NOD2: variants seen among roughly 807,000 people sequenced by gnomAD.
NOD2 encodes nucleotide-binding oligomerization domain-containing protein 2.
A neutral mutation model predicts 90.9 loss-of-function variants in NOD2; 86 were observed. The observed-to-expected ratio is 0.95, with a 90% CI of 0.79 to 1.13. NOD2 has a LOEUF of 1.13. Among genes scored for constraint, NOD2 ranks in the 50% most tolerant of loss-of-function variants. The pLI, the probability that NOD2 is intolerant of heterozygous loss-of-function variation, is 0.00. For synonymous variants in NOD2, 581 were observed against 554.6 expected (o/e 1.05, Z -0.67); for missense variants, 1,238 against 1,283.8 (o/e 0.96, Z 0.55).
At chr16:50,726,558 G>C (rs981283754) in intron 10 of NOD2, among the ~76,000 whole-genome samples, 3 of 152,204 alleles carry the variant, frequency 2.0e-5, no homozygotes, top group Non-Finnish European at 4.4e-5. Context: ...CCAGATGCCA[G>C]CTTTGCACTG....
chr16:50,721,782 C>A (rs975151320), intron 7 of NOD2, among the ~76,000 whole-genome samples: 6 of 152,200 alleles, frequency 3.9e-5, no homozygotes, highest in African/African-American at 1.4e-4. Context: ...AGTGAGCCAC[C>A]TTGCTCAGCC....
chr16:50,714,207 G>A (rs561300797), intron 4 of NOD2, among the ~76,000 whole-genome samples: 2 of 152,234 alleles, frequency 1.3e-5, no homozygotes, highest in South Asian at 2.1e-4. Context: ...GGATGTCCCC[G>A]TGATTACCAG....
At chr16:50,710,050 C>G in intron 3 of NOD2, 1 of 454,974 alleles carries the variant, frequency 2.2e-6, no homozygotes, top group Non-Finnish European at 4.4e-6. Flanking sequence ...GCTCCTGAGC[C>G]CTTAAGCCCT....
intron 4 of NOD2, 58 bp downstream of exon 4, chr16:50,712,431 T>G: frequency 1.2e-6 from 2 of 1,604,836 alleles, no homozygotes; most frequent in Admixed American, 3.3e-5. Flanking sequence ...AGGCTAAGTG[T>G]GGGAGCACCG....
intron 1 of NOD2, among the ~76,000 whole-genome samples, chr16:50,698,929 CTT>C (rs535158696): frequency 2.1e-4 from 30 of 140,778 alleles, no homozygotes; most frequent in South Asian, 2.2e-4. Context: ...CTCTCTCTGT[CTT>C]TTTTTTTTTT....
chr16:50,731,988 G>C lies in NOD2; in HGVS notation c.*169G>C. 1 of 673,004 alleles carries C rather than the reference G, an allele frequency of 1.5e-6. No individual in the cohort carries two copies. Among genetic ancestry groups the C allele is most frequent in the Non-Finnish European group, 2.7e-6 (1 of 367,434 alleles). The allele number at this position is 673,004 out of a possible 1,614,324, so 41.7% of individuals were successfully genotyped here. A position where few individuals can be genotyped will look rare whatever the true frequency, so the allele number is the denominator to read the frequency against. ...AGGTCACCTTTATTCTGGCAGAGGA[G>C]GGAGCATCAGTGCCCTCCAGGATAG... On this transcript the variant is annotated 3_prime_UTR_variant, in exon 12 of 12. Coordinates refer to ENST00000647318, the MANE Select transcript of NOD2 (RefSeq NM_001370466.1).
At chr16:50,720,097 G>A (rs1964987093) in intron 7 of NOD2, 89 bp downstream of exon 7, 1 of 1,219,752 alleles carries the variant, frequency 8.2e-7, no homozygotes, top group Non-Finnish European at 1.2e-6. Context: ...CAGCCAGGAG[G>A]CCCCAGAGGC....
rs144417308 is a variant in NOD2 at position 50,698,197 on chromosome 16, T to C, written c.-8-1291T>C. Among the ~76,000 whole-genome samples, 58 of 152,324 alleles carry C rather than the reference T, an allele frequency of 3.8e-4. No homozygotes were observed. The East Asian group carries it at 6.6e-3, about 17-fold the overall frequency. On this transcript the variant is annotated intron_variant, in intron 1 of 11. Transcript: ENST00000647318. ...CAGCAGCCCTTGTCCACAGACCCCA[T>C]GACAATCGCAGAACTGACCATGCTG... is the stretch of plus-strand genomic sequence containing the variant.
At position 50,716,970 on chromosome 16, in the gene NOD2, T is replaced by C. The variant is rs748396173; in HGVS notation, c.2545T>C (p.Leu849=). 5.6e-6 allele frequency: 9 copies of C among 1,614,084 alleles called. No individual in the cohort carries two copies. Among genetic ancestry groups the C allele is most frequent in the Middle Eastern group, 1.6e-4 (1 of 6,084 alleles). ...TGCATGCAGGCAGAACTTCTTGGCA[T>C]TGAGGTGAGCCCAGGTTTTCCTTAT... The part of the protein sequence containing the change: ...LLACRQNFLA[L]RLGNNYITAA... Residue 849 remains leucine, a synonymous_variant, in exon 6 of 12, where the codon TTG becomes CTG. Transcript: ENST00000647318.
intron 8 of NOD2, among the ~76,000 whole-genome samples, chr16:50,722,979 A>G (rs1965126961): frequency 6.6e-6 from 1 of 152,036 alleles, no homozygotes; most frequent in African/African-American, 2.4e-5. Context: ...GACCAATTCC[A>G]ATCCATTGGT....
intron 11 of NOD2, 134 bp downstream of exon 11, chr16:50,730,035 T>C: frequency 1.5e-6 from 1 of 680,440 alleles, no homozygotes; most frequent in East Asian, 3.0e-5. Context: ...AGAATGATTC[T>C]GCATGTGAAG....
At position 50,710,700 on chromosome 16, in the gene NOD2, G is replaced by C; in HGVS notation, c.708G>C (p.Val236=). The part of the protein sequence containing the change: ...TENVLEVWAD[V]GMAGPPQKSP... ...ATGTCCTGGAGGTCTGGGCAGATGT[G>C]GGCATGGCTGGACCCCCGCAGAAGA... Residue 236 remains valine (V), a synonymous_variant, in exon 4 of 12, where the codon GTG becomes GTC. Transcript: ENST00000647318. The C allele has an allele frequency of 6.2e-7, 1 of 1,613,926 alleles. No individual in the cohort carries two copies. Among genetic ancestry groups the C allele is most frequent in the Non-Finnish European group, 8.5e-7 (1 of 1,179,834 alleles).
intron 7 of NOD2, 26 bp downstream of exon 7, chr16:50,720,034 C>G (rs756272325): frequency 7.5e-6 from 12 of 1,599,842 alleles, no homozygotes; most frequent in Non-Finnish European, 1.0e-5. Context: ...GGAAGAGGGA[C>G]CTGCATGGAG....
chr16:50,703,054 C>T (rs368878082), intron 2 of NOD2, among the ~76,000 whole-genome samples: 3 of 152,306 alleles, frequency 2.0e-5, no homozygotes, highest in East Asian at 1.9e-4. Context: ...ACAATATTAA[C>T]TTAAACATTT....
chr16:50,711,973 GGCCTGCTGGCTGAGT>G lies in NOD2; in HGVS notation c.1985_1999del (p.Leu662_Cys666del). ...AGGGCTGTTGTCCCGGGAGCACTGG[GGCCTGCTGGCTGAGT>G]GCCAGACATCTGAGAAGGCCCTGCT... is the stretch of plus-strand genomic sequence containing the variant. On this transcript the variant is annotated inframe_deletion, in exon 4 of 12. Coordinates refer to ENST00000647318, the MANE Select transcript of NOD2 (RefSeq NM_001370466.1). 6.2e-7 allele frequency: 1 copy of G among 1,613,396 alleles called. No homozygotes were observed. Among genetic ancestry groups the G allele is most frequent in the Non-Finnish European group, 8.5e-7 (1 of 1,179,886 alleles).
chr16:50,728,126 C>T (rs60799995), intron 10 of NOD2: 5,685 of 209,314 alleles, frequency 0.027, 290 homozygotes, highest in African/African-American at 0.11. Flanking sequence ...AGGTTTTTCA[C>T]CTTTCCAATT....
At chr16:50,718,548 G>A (rs1307942795) in intron 6 of NOD2, among the ~76,000 whole-genome samples, 1 of 152,238 alleles carries the variant, frequency 6.6e-6, no homozygotes, top group Non-Finnish European at 1.5e-5. Context: ...CTGCGGATAA[G>A]CAGGGGGCAG....
At chr16:50,717,002 G>A (rs1346280849) in intron 6 of NOD2, 28 bp downstream of exon 6, 1 of 1,610,504 alleles carries the variant, frequency 6.2e-7, no homozygotes, top group Non-Finnish European at 8.5e-7. Flanking sequence ...TTATTCCCTG[G>A]AAACTATTTT....
intron 2 of NOD2, among the ~76,000 whole-genome samples, chr16:50,704,255 T>C (rs1363502576): frequency 6.6e-6 from 1 of 152,216 alleles, no homozygotes; most frequent in Non-Finnish European, 1.5e-5. Flanking sequence ...TTTCCCTACA[T>C]GGTCTTCCTG....
Sources: allele counts gnomAD v4.1 joint callset (sites outside exome capture counted in the v4.1 genomes callset), GRCh38; gene constraint gnomAD v4.1.1; transcripts MANE v1.5; gene names NCBI Gene and HGNC (gene_info 2026-07-23, HGNC 2026-07-21).